Variants in CPLANE1 observed in about 807,000 individuals in gnomAD.
CPLANE1 encodes ciliogenesis and planar polarity effector 1.
CPLANE1 carries 263 observed loss-of-function variants against 362.5 expected under a neutral mutation model. That is an observed-to-expected ratio of 0.73 (90% CI 0.66 to 0.80). The LOEUF (loss-of-function observed/expected upper bound fraction) is 0.80. Among genes scored for constraint, CPLANE1 ranks in the 30% least tolerant of loss-of-function variants. The probability of loss-of-function intolerance (pLI) is 0.00; values close to 1 mark genes in which losing one functional copy is unlikely to be tolerated. For missense variants in CPLANE1, 3,461 were observed against 3,793.4 expected, an observed-to-expected ratio of 0.91 and a Z score of 2.30; for synonymous variants, 1,212 against 1,302.6, an observed-to-expected ratio of 0.93 and a Z score of 1.50.
chr5:37,076,493 G>A, the CPLANE1 span, among the ~76,000 whole-genome samples: 23 of 151,858 alleles, frequency 1.5e-4, no homozygotes, highest in African/African-American at 5.6e-4. Context: ...TGTATTTTTG[G>A]TAGAGACAGG....
At chr5:37,166,964 G>T in intron 35 of CPLANE1, 83 bp downstream of exon 35, 1 of 1,144,900 alleles carries the variant, frequency 8.7e-7, no homozygotes, top group Non-Finnish European at 1.3e-6. Context: ...CTAGGAGACT[G>T]AACCAGATTA....
chr5:37,227,044 G>T lies in CPLANE1; in HGVS notation c.1551C>A (p.Gly517=), dbSNP rs576322541. Residue 517 remains glycine (G), a synonymous_variant, in exon 12 of 53, where the codon GGC becomes GGA. Transcript: ENST00000651892. ...QDFEAEETNE[G]RHFPDNLCPF... The stretch of plus-strand genomic sequence containing the variant: ...GACATAAGTTGTCTGGAAAGTGTCT[G>T]CCTTCGTTAGTTTCTTCTGCTTCAA... 6.5e-7 allele frequency: 1 copy of T among 1,546,862 alleles called. No individual in the cohort carries two copies. The highest frequency in any genetic ancestry group is 1.4e-5 in the African/African-American group (1 of 72,810).
chr5:37,243,913 C>T (rs951826275), intron 5 of CPLANE1, among the ~76,000 whole-genome samples: 5 of 150,326 alleles, frequency 3.3e-5, no homozygotes, highest in African/African-American at 9.8e-5. Context: ...TGTAATGGCA[C>T]GATCTCGGCT....
At chr5:37,077,132 A>G in the CPLANE1 span, among the ~76,000 whole-genome samples, 1 of 152,184 alleles carries the variant, frequency 6.6e-6, no homozygotes. Context: ...GGCGAATCAG[A>G]TGAGAAGTTG....
chr5:37,162,708 C>G (rs781103693), intron 37 of CPLANE1, 142 bp from the exon 38 acceptor site: 12 of 523,220 alleles, frequency 2.3e-5, no homozygotes, highest in Non-Finnish European at 3.7e-5. Flanking sequence ...GAGATGGAGT[C>G]TGGCTCTGCT....
chr5:37,105,093 G>A (rs1456292655), downstream of CPLANE1, among the ~76,000 whole-genome samples: 1 of 152,136 alleles, frequency 6.6e-6, no homozygotes, highest in Non-Finnish European at 1.5e-5. Flanking sequence ...CTGGAGCTCA[G>A]GAGTTCGAGA....
chr5:37,245,582 C>A lies in CPLANE1; in HGVS notation c.234G>T (p.Gly78=), dbSNP rs1479661458. 2.6e-6 allele frequency: 4 copies of A among 1,515,154 alleles called. No homozygotes were observed. Among genetic ancestry groups the A allele is most frequent in the South Asian group, 1.3e-5 (1 of 76,246 alleles). 93.9% of individuals were successfully genotyped at this position (1,515,154 alleles called of 1,614,324 possible). ...GGAAAAGCTCTCCTGTAGTTAGTACCCCAGCCAGCCAGGCATCTGTTTCCA... is the reference window on the plus strand; with the variant it reads ...GGAAAAGCTCTCCTGTAGTTAGTACACCAGCCAGCCAGGCATCTGTTTCCA... ...TTSSNDAWLA[G]VLTTGELFLW... Residue 78 remains glycine, a synonymous_variant, in exon 4 of 53, where the codon GGG becomes GGT. Coordinates refer to ENST00000651892, the MANE Select transcript of CPLANE1 (RefSeq NM_001384732.1).
intron 8 of CPLANE1, among the ~76,000 whole-genome samples, chr5:37,238,339 A>T (rs1561702206): frequency 6.9e-6 from 1 of 144,692 alleles, no homozygotes. Context: ...CACTTGGCTA[A>T]TTTTTTTTTT....
chr5:37,168,303 G>C (rs923845223), intron 34 of CPLANE1, among the ~76,000 whole-genome samples: 3 of 152,176 alleles, frequency 2.0e-5, no homozygotes, highest in Non-Finnish European at 4.4e-5. Flanking sequence ...CAAACAATAT[G>C]TGTGCTCACT....
rs1216167710 is a variant in CPLANE1, at chr5:37,187,309, GA to G, written c.4080+104del. 9.6e-6 allele frequency: 9 copies of G among 938,192 alleles called. No individual in the cohort carries two copies. In the East Asian group the frequency reaches 1.6e-4, roughly 16 times the overall value. The allele number at this position is 938,192 out of a possible 1,614,324, so 58.1% of individuals were successfully genotyped here. ...GAACCCACAAGATATTATGCTAAGTGAAATAATCCAAAGAAAGGCAACATCA... is the reference window on the plus strand; with the variant it reads ...GAACCCACAAGATATTATGCTAAGTGAATAATCCAAAGAAAGGCAACATCA... On this transcript the variant is annotated intron_variant, in intron 23 of 52. Coordinates refer to ENST00000651892, the MANE Select transcript of CPLANE1 (RefSeq NM_001384732.1).
rs1366975008 is a variant in CPLANE1 at position 37,170,029 on chromosome 5, T to C, written c.6462+12A>G. ...CGCGCCCAGCCATTAATGGTATTTT[T>C]ACATACATTACCTGTACGTTTCCAG... On this transcript the variant is annotated intron_variant, in intron 33 of 52. Coordinates refer to ENST00000651892, the MANE Select transcript of CPLANE1 (RefSeq NM_001384732.1). The C allele has an allele frequency of 6.2e-7, 1 of 1,608,594 alleles. No homozygotes were observed. The highest frequency in any genetic ancestry group is 2.2e-5 in the East Asian group (1 of 44,810).
intron 39 of CPLANE1, 30 bp downstream of exon 39, chr5:37,158,194 A>T (rs755296388): frequency 1.9e-6 from 3 of 1,607,744 alleles, no homozygotes; most frequent in Non-Finnish European, 2.6e-6. Context: ...GCGCAAAGGT[A>T]TTATTAAAAC....
At chr5:37,148,103 G>C (rs1772279052) in intron 43 of CPLANE1, 78 bp downstream of exon 43, 1 of 950,590 alleles carries the variant, frequency 1.1e-6, no homozygotes, top group Non-Finnish European at 1.6e-6. Context: ...CCTACTTCTG[G>C]CACTCCACAA....
the CPLANE1 span, among the ~76,000 whole-genome samples, chr5:37,078,028 G>A: frequency 6.6e-6 from 1 of 152,146 alleles, no homozygotes; most frequent in Non-Finnish European, 1.5e-5. Context: ...GAGATTACAG[G>A]TAGAAACCAC....
At chr5:37,133,900 G>C (rs1340235133) in intron 46 of CPLANE1, among the ~76,000 whole-genome samples, 1 of 152,082 alleles carries the variant, frequency 6.6e-6, no homozygotes, top group Non-Finnish European at 1.5e-5. Context: ...GTAAGATGTT[G>C]GCTGTGGGTT....
At chr5:37,182,286 T>G (rs529812585) in intron 26 of CPLANE1, among the ~76,000 whole-genome samples, 2 of 152,114 alleles carry the variant, frequency 1.3e-5, no homozygotes, top group Non-Finnish European at 2.9e-5. Context: ...AATAGTTAAT[T>G]AAACACTAAC....
intron 6 of CPLANE1, 47 bp from the exon 7 acceptor site, chr5:37,239,916 T>C: frequency 3.8e-6 from 5 of 1,307,270 alleles, no homozygotes; most frequent in Non-Finnish European, 5.1e-6. Flanking sequence ...TAGTAACTTT[T>C]AAATTTATAT....
rs1337466392 is a variant in CPLANE1, at chr5:37,142,164, CAA to C, written c.8632+144_8632+145del. On this transcript the variant is annotated intron_variant, in intron 44 of 52. Coordinates refer to ENST00000651892, the MANE Select transcript of CPLANE1 (RefSeq NM_001384732.1). ...ATGTCACAGTTCTTCATGTGACTAGCAAAAGTTTTAACTTTCCTTCCCCTAAA... is the reference window on the plus strand; with the variant it reads ...ATGTCACAGTTCTTCATGTGACTAGCAAGTTTTAACTTTCCTTCCCCTAAA... 4.0e-6 allele frequency: 5 copies of C among 1,263,874 alleles called. 1 individual carries two copies. In the South Asian group the frequency reaches 9.9e-5, roughly 25 times the overall value. 78.3% of individuals were successfully genotyped at this position (1,263,874 alleles called of 1,614,324 possible).
chr5:37,167,302 TTTAAA>T (rs1451386434), intron 34 of CPLANE1, 89 bp from the exon 35 acceptor site: 11 of 1,045,316 alleles, frequency 1.1e-5, no homozygotes, highest in African/African-American at 8.0e-5. Flanking sequence ...AATACATTTG[TTTAAA>T]TTAAACTGTG....
Sources: allele counts gnomAD v4.1 joint callset (sites outside exome capture counted in the v4.1 genomes callset), GRCh38; gene constraint gnomAD v4.1.1; transcripts MANE v1.5; gene names NCBI Gene and HGNC (gene_info 2026-07-23, HGNC 2026-07-21).